PTPRD: variants seen among roughly 807,000 people sequenced by gnomAD.
PTPRD encodes receptor-type tyrosine-protein phosphatase delta.
PTPRD carries 34 observed loss-of-function variants against 214.5 expected under a neutral mutation model. The observed-to-expected ratio is 0.16, with a 90% CI of 0.12 to 0.21. PTPRD has a LOEUF of 0.21. Ranked by LOEUF, PTPRD falls within the 10% of genes least tolerant of loss-of-function variation. PTPRD has a pLI of 1.00. For synonymous variants in PTPRD, 1,128 were observed against 845.7 expected (o/e 1.33, Z -5.79); for missense variants, 2,545 against 2,398.7 (o/e 1.06, Z -1.27).
At chr9:9,161,030 G>T (rs1335674635) in intron 10 of PTPRD, among the ~76,000 whole-genome samples, 1 of 152,188 alleles carries the variant, frequency 6.6e-6, no homozygotes, top group East Asian at 1.9e-4. Context: ...CCAGAGCCTG[G>T]GATATGGGGC....
chr9:8,917,933 T>C (rs1354362041), intron 11 of PTPRD, among the ~76,000 whole-genome samples: 1 of 152,166 alleles, frequency 6.6e-6, no homozygotes, highest in East Asian at 1.9e-4. Context: ...CACACCTGTG[T>C]AACTGTTAAG....
At chr9:8,329,231 C>A (rs2131400003) in intron 44 of PTPRD, among the ~76,000 whole-genome samples, 1 of 152,130 alleles carries the variant, frequency 6.6e-6, no homozygotes, top group Non-Finnish European at 1.5e-5. Context: ...ACGTGCTATT[C>A]CTTTCTGTCT....
intron 44 of PTPRD, among the ~76,000 whole-genome samples, chr9:8,324,280 G>A (rs971021138): frequency 6.6e-6 from 1 of 152,032 alleles, no homozygotes; most frequent in African/African-American, 2.4e-5. Flanking sequence ...GCCCTGGTGT[G>A]TGATGTTCGC....
intron 11 of PTPRD, among the ~76,000 whole-genome samples, chr9:8,869,813 A>G (rs986443627): frequency 4.0e-5 from 6 of 151,550 alleles, no homozygotes; most frequent in Non-Finnish European, 7.4e-5. Context: ...CAGCTGGTTT[A>G]TTCTTACAGT....
chr9:8,341,339 G>C (rs1258621316), intron 40 of PTPRD, 71 bp from the exon 41 acceptor site: 2 of 1,441,350 alleles, frequency 1.4e-6, no homozygotes, highest in African/African-American at 2.9e-5. Flanking sequence ...TGAATGCAGT[G>C]TACCCCAGAT....
intron 10 of PTPRD, among the ~76,000 whole-genome samples, chr9:9,045,285 G>A (rs1245075531): frequency 6.6e-6 from 1 of 152,162 alleles, no homozygotes; most frequent in Non-Finnish European, 1.5e-5. Flanking sequence ...CAGTCATGTT[G>A]ATTAGAGGAT....
At chr9:10,154,159 G>C (rs1186475627) in intron 3 of PTPRD, among the ~76,000 whole-genome samples, 1 of 152,046 alleles carries the variant, frequency 6.6e-6, no homozygotes, top group Non-Finnish European at 1.5e-5. Context: ...TTTAACTATA[G>C]CCATTCTGAC....
At chr9:8,341,545 A>G (rs3817027) in intron 40 of PTPRD, 148 bp downstream of exon 40, 1 of 953,356 alleles carries the variant, frequency 1.0e-6, no homozygotes, top group Non-Finnish European at 1.6e-6. Context: ...GGAAAAGGGG[A>G]GGAATACATT....
chr9:9,357,521 G>A (rs1412200320), intron 9 of PTPRD, among the ~76,000 whole-genome samples: 2 of 151,208 alleles, frequency 1.3e-5, no homozygotes, highest in Non-Finnish European at 3.0e-5. Flanking sequence ...CATATATAAG[G>A]TCCCTTTGCA....
At chr9:9,064,644 A>C (rs1304348021) in intron 10 of PTPRD, among the ~76,000 whole-genome samples, 1 of 152,226 alleles carries the variant, frequency 6.6e-6, no homozygotes, top group African/African-American at 2.4e-5. Context: ...CTTTCTTTAA[A>C]GATGACTGAG....
intron 8 of PTPRD, among the ~76,000 whole-genome samples, chr9:9,553,206 A>T (rs2080743719): frequency 6.6e-6 from 1 of 152,172 alleles, no homozygotes; most frequent in Non-Finnish European, 1.5e-5. Context: ...ACAGAAAATG[A>T]ACTAAAATTT....
Position 9,418,093 on chromosome 9 carries a change from T to C in PTPRD, c.-236-20611A>G, listed in dbSNP as rs902596607. Among the ~76,000 whole-genome samples, 4 of 152,090 alleles carry C rather than the reference T, an allele frequency of 2.6e-5. 1 individual carries two copies. Among genetic ancestry groups the C allele is most frequent in the Admixed American group, 1.3e-4 (2 of 15,252 alleles). On this transcript the variant is annotated intron_variant, in intron 8 of 45. Transcript: ENST00000381196. ...ATCCTTTCTCATCTGTGTAAGAGCATCTTTTCAACTTCAATCCACATACAT... is the reference window on the plus strand; with the variant it reads ...ATCCTTTCTCATCTGTGTAAGAGCACCTTTTCAACTTCAATCCACATACAT...
At chr9:10,108,607 C>A (rs1299581926) in intron 3 of PTPRD, among the ~76,000 whole-genome samples, 1 of 151,980 alleles carries the variant, frequency 6.6e-6, no homozygotes, top group African/African-American at 2.4e-5. Context: ...TGCAATCCTA[C>A]TGCTGGGTAT....
At chr9:10,126,497 C>T (rs971065272) in intron 3 of PTPRD, among the ~76,000 whole-genome samples, 8 of 151,458 alleles carry the variant, frequency 5.3e-5, no homozygotes, top group African/African-American at 1.9e-4. Flanking sequence ...CTCCTGGCCA[C>T]CTAAAACTTT....
At chr9:9,075,872 C>A (rs183957438) in intron 10 of PTPRD, among the ~76,000 whole-genome samples, 2 of 152,246 alleles carry the variant, frequency 1.3e-5, no homozygotes, top group South Asian at 4.1e-4. Context: ...AATAAACATA[C>A]GTGTGCATGT....
intron 2 of PTPRD, among the ~76,000 whole-genome samples, chr9:10,543,153 G>A (rs530557524): frequency 3.3e-5 from 5 of 152,156 alleles, no homozygotes; most frequent in African/African-American, 1.2e-4. Context: ...CCAAAGTGCT[G>A]GGATTACAGG....
intron 2 of PTPRD, among the ~76,000 whole-genome samples, chr9:10,420,578 G>C (rs1259636337): frequency 6.6e-6 from 1 of 151,768 alleles, no homozygotes; most frequent in Non-Finnish European, 1.5e-5. Context: ...GCAGATTAAA[G>C]GGCCAGGAGT....
At chr9:10,346,448 TTATA>T (rs1468112193) in intron 2 of PTPRD, among the ~76,000 whole-genome samples, 2 of 152,122 alleles carry the variant, frequency 1.3e-5, no homozygotes, top group Non-Finnish European at 2.9e-5. Flanking sequence ...GACTGAAAAA[TTATA>T]TAAGAATATA....
intron 13 of PTPRD, 97 bp from the exon 14 acceptor site, chr9:8,633,555 T>G (rs2154321369): frequency 7.3e-7 from 1 of 1,368,890 alleles, no homozygotes; most frequent in South Asian, 1.4e-5. Flanking sequence ...ATTAGGCTCA[T>G]AATAAACTAG....
Sources: allele counts gnomAD v4.1 joint callset (sites outside exome capture counted in the v4.1 genomes callset), GRCh38; gene constraint gnomAD v4.1.1; transcripts MANE v1.5; gene names NCBI Gene and HGNC (gene_info 2026-07-23, HGNC 2026-07-21).